The following PTPRU variants were observed in gnomAD, a reference collection of about 807,000 sequenced individuals.
The protein encoded by PTPRU is receptor-type tyrosine-protein phosphatase U.
PTPRU carries 69 observed loss-of-function variants against 166.3 expected under a neutral mutation model. The ratio of observed to expected loss-of-function variants is 0.41; its 90% CI spans 0.34 to 0.51. The LOEUF is 0.51. PTPRU is among the 20% of genes least tolerant of loss of function. The probability of loss-of-function intolerance (pLI) is 0.09; values close to 1 mark genes in which losing one functional copy is unlikely to be tolerated. For synonymous variants in PTPRU, 793 were observed against 814.0 expected, an observed-to-expected ratio of 0.97 and a Z score of 0.44; for missense variants, 1,657 against 2,013.7, an observed-to-expected ratio of 0.82 and a Z score of 3.39.
chr1:29,319,156 G>T (rs1412888806), intron 25 of PTPRU, among the ~76,000 whole-genome samples: 3 of 152,088 alleles, frequency 2.0e-5, no homozygotes, highest in Non-Finnish European at 4.4e-5. Context: ...CCACATGCTC[G>T]CCGGGGGACA....
chr1:29,322,657 G>T (rs980445957), intron 26 of PTPRU, among the ~76,000 whole-genome samples: 1 of 152,126 alleles, frequency 6.6e-6, no homozygotes, highest in Admixed American at 6.5e-5. Context: ...TTTGGGAGAG[G>T]ATGGGAGTCA....
intron 15 of PTPRU, among the ~76,000 whole-genome samples, chr1:29,292,694 C>A (rs2151958267): frequency 6.6e-6 from 1 of 152,188 alleles, no homozygotes; most frequent in South Asian, 2.1e-4. Flanking sequence ...GTCATAAAAT[C>A]ATAACAATAC....
At position 29,258,741 on chromosome 1, in the gene PTPRU, C is replaced by A; in HGVS notation, c.442C>A (p.Leu148Met). 1 of 1,599,340 alleles carries A rather than the reference C, an allele frequency of 6.3e-7. No individual in the cohort carries two copies. The highest frequency in any genetic ancestry group is 2.2e-5 in the East Asian group (1 of 44,686). The stretch of plus-strand genomic sequence containing the variant: ...CGGCCGTCAGTGGCACCAGGCTGAG[C>A]TGGCTGTCAGCACTTTCTGGCCCAA... ...SHGRQWHQAELAVSTFWPNEY... is the reference protein window; with the variant it reads ...SHGRQWHQAEMAVSTFWPNEY... Residue 148 changes from leucine (L) to methionine (M), a missense_variant, in exon 3 of 30, where the codon CTG becomes ATG. Physicochemically the swap from Leu to Met is conservative, Grantham distance 15 (BLOSUM62 2). This residue lies in a region of PTPRU where 453 missense variants were observed against 496.9 expected (regional missense o/e 0.91). Coordinates refer to ENST00000373779, the MANE Select transcript of PTPRU (RefSeq NM_133178.4).
chr1:29,239,587 C>T (rs1683947443), intron 1 of PTPRU, among the ~76,000 whole-genome samples: 1 of 152,120 alleles, frequency 6.6e-6, no homozygotes, highest in Non-Finnish European at 1.5e-5. Context: ...AGACAGGCCA[C>T]CATCCTTCCA....
At position 29,280,431 on chromosome 1, in the gene PTPRU, C is replaced by T. The variant is rs989385478; in HGVS notation, c.1868+290C>T. 2.6e-5 allele frequency among the ~76,000 whole-genome samples: 4 copies of T among 152,174 alleles called. No individual in the cohort carries two copies. Among genetic ancestry groups the T allele is most frequent in the African/African-American group, 9.7e-5 (4 of 41,440 alleles). On this transcript the variant is annotated intron_variant, in intron 11 of 29. Transcript: ENST00000373779. The surrounding 1 kb of genome is among the most constrained non-coding windows in gnomAD (Gnocchi z 4.2). ...TGTCCAGGGGGCCTTTCCTCAGACACCTTGGAGAAGTGAAACTCTGGGGGC... is the reference window on the plus strand; with the variant it reads ...TGTCCAGGGGGCCTTTCCTCAGACATCTTGGAGAAGTGAAACTCTGGGGGC...
intron 18 of PTPRU, among the ~76,000 whole-genome samples, chr1:29,309,322 G>A (rs768994352): frequency 5.3e-5 from 8 of 152,084 alleles, no homozygotes; most frequent in Middle Eastern, 3.4e-3. Context: ...AAGATCCCCC[G>A]GGAGATTTAT....
Position 29,316,085 on chromosome 1 carries a change from C to T in PTPRU, c.3447C>T (p.Ala1149=). Residue 1149 remains alanine (A), a synonymous_variant, in exon 24 of 30, where the codon GCC becomes GCT. Transcript: ENST00000373779. ...ETTIPVSEFK[A]TYKEMIRIDP... The stretch of plus-strand genomic sequence containing the variant: ...CCATCCCTGTCAGTGAGTTCAAGGC[C>T]ACCTACAAGGAGATGATCCGCATTG... 1 of 1,614,176 alleles carries T rather than the reference C, an allele frequency of 6.2e-7. No homozygotes were observed. Among genetic ancestry groups the T allele is most frequent in the East Asian group, 2.2e-5 (1 of 44,882 alleles).
chr1:29,251,147 G>A (rs1684526530), intron 1 of PTPRU, among the ~76,000 whole-genome samples: 2 of 152,284 alleles, frequency 1.3e-5, no homozygotes, highest in Middle Eastern at 3.4e-3. Context: ...CAGCTACTTT[G>A]CAGGCTGAGG....
At chr1:29,293,487 T>G (rs1053885733) in intron 15 of PTPRU, among the ~76,000 whole-genome samples, 1 of 150,906 alleles carries the variant, frequency 6.6e-6, no homozygotes, top group African/African-American at 2.4e-5. Flanking sequence ...TGTTTTTTTT[T>G]TTTTTGAGAC....
intron 7 of PTPRU, among the ~76,000 whole-genome samples, chr1:29,265,678 T>C (rs1306456474): frequency 1.3e-5 from 2 of 152,172 alleles, no homozygotes; most frequent in African/African-American, 4.8e-5. Context: ...TCTTTTCATG[T>C]GCTGTTTGCC....
chr1:29,291,889 A>C lies in PTPRU; in HGVS notation c.2339A>C (p.Lys780Thr). 6.2e-7 allele frequency: 1 copy of C among 1,613,992 alleles called. No homozygotes were observed. Among genetic ancestry groups the C allele is most frequent in the Non-Finnish European group, 8.5e-7 (1 of 1,179,958 alleles). Residue 780 changes from lysine (K) to threonine (T), a missense_variant, in exon 15 of 30, where the codon AAG becomes ACG. Lys to Thr is a moderately conservative substitution (Grantham distance 78). Transcript: ENST00000373779. The surrounding 1 kb of genome is among the most constrained non-coding windows in gnomAD (Gnocchi z 4.1). ...TCCAGGAAGCCGGTGAACATGACCA[A>C]GGCCACCGTCAACTACCGCCAGGAG... ...IRKGKPVNMT[K>T]ATVNYRQEKT...
chr1:29,283,880 A>G, intron 12 of PTPRU, 60 bp from the exon 13 acceptor site: 2 of 1,592,860 alleles, frequency 1.3e-6, no homozygotes, highest in African/African-American at 2.7e-5. Context: ...TGAGGTTCCC[A>G]CCCTGGGGAG....
At position 29,325,832 on chromosome 1, in the gene PTPRU, G is replaced by T. The variant is rs1412704253; in HGVS notation, c.*171G>T. ...CCTTCCACTGTGGGCAGGGCCTTTCGCTTGTCCCATGGGCGGGTGGTGGGC... is the reference window on the plus strand; with the variant it reads ...CCTTCCACTGTGGGCAGGGCCTTTCTCTTGTCCCATGGGCGGGTGGTGGGC... On this transcript the variant is annotated 3_prime_UTR_variant, in exon 30 of 30. Transcript: ENST00000373779. 8.1e-6 allele frequency: 6 copies of T among 741,424 alleles called. No homozygotes were observed. Among genetic ancestry groups the T allele is most frequent in the Admixed American group, 3.4e-5 (1 of 29,136 alleles). 45.9% of individuals were successfully genotyped at this position (741,424 alleles called of 1,614,324 possible).
At chr1:29,316,241 C>A in intron 24 of PTPRU, 90 bp downstream of exon 24, 2 of 1,428,058 alleles carry the variant, frequency 1.4e-6, no homozygotes, top group South Asian at 1.4e-5. Flanking sequence ...CATTGAGGGC[C>A]AAGAAGCAGG....
chr1:29,299,746 A>T (rs1687053477), intron 15 of PTPRU, among the ~76,000 whole-genome samples: 1 of 152,118 alleles, frequency 6.6e-6, no homozygotes, highest in Non-Finnish European at 1.5e-5. Context: ...CTGTCGGCCC[A>T]CTTTCCACAA....
intron 25 of PTPRU, 94 bp downstream of exon 25, chr1:29,318,015 T>C (rs1247946945): frequency 2.3e-5 from 34 of 1,477,500 alleles, no homozygotes; most frequent in Non-Finnish European, 2.9e-5. Flanking sequence ...GAAGGCTCTG[T>C]TGGGGGGACC....
At position 29,311,083 on chromosome 1, in the gene PTPRU, C is replaced by T. The variant is rs1438887869; in HGVS notation, c.2857+303C>T. On this transcript the variant is annotated intron_variant, in intron 19 of 29. Transcript: ENST00000373779. This position sits in a 1 kb window ranked among gnomAD's most constrained non-coding sequence, Gnocchi z 4.1. ...TGTCTGTAAAAGGGCCAGCTGGGCTCAGGCCTCATGGGTGTGGGTTGGGCC... is the reference window on the plus strand; with the variant it reads ...TGTCTGTAAAAGGGCCAGCTGGGCTTAGGCCTCATGGGTGTGGGTTGGGCC... Among the ~76,000 whole-genome samples, 2 of 152,166 alleles carry T rather than the reference C, an allele frequency of 1.3e-5. No individual in the cohort carries two copies. The highest frequency in any genetic ancestry group is 4.8e-5 in the African/African-American group (2 of 41,442).
At chr1:29,289,539 C>A in intron 14 of PTPRU, 1 of 901,352 alleles carries the variant, frequency 1.1e-6, no homozygotes, top group Non-Finnish European at 1.7e-6. Flanking sequence ...GGAGGTCCTC[C>A]TGACCTGTTC....
In PTPRU at chr1:29,291,061, TCTCC is replaced by T. The variant is rs1686605176; in HGVS notation, c.2319-802_2319-799del. Reference sequence around the variant, plus strand: ...ATGGCCCTATCTCCCCACCTCCTTTTCTCCCTCCCACTTTCCTCCAAGTTCCTTC... The same window carrying T: ...ATGGCCCTATCTCCCCACCTCCTTTTCTCCCACTTTCCTCCAAGTTCCTTC... On this transcript the variant is annotated intron_variant, in intron 14 of 29. Coordinates refer to ENST00000373779, the MANE Select transcript of PTPRU (RefSeq NM_133178.4). This position sits in a 1 kb window ranked among gnomAD's most constrained non-coding sequence, Gnocchi z 4.1. Among the ~76,000 whole-genome samples the T allele has an allele frequency of 1.3e-5, 2 of 152,172 alleles. No homozygotes were observed. The highest frequency in any genetic ancestry group is 4.1e-4 in the South Asian group (2 of 4,830).
Sources: allele counts gnomAD v4.1 joint callset (sites outside exome capture counted in the v4.1 genomes callset), GRCh38; gene constraint gnomAD v4.1.1; regional missense constraint gnomAD v4.1.1; non-coding constraint Gnocchi (gnomAD v3.1); transcripts MANE v1.5; gene names NCBI Gene and HGNC (gene_info 2026-07-23, HGNC 2026-07-21).